Variants in TOX observed in about 807,000 individuals in gnomAD.
TOX encodes thymocyte selection associated high mobility group box, also known as thymocyte selection-associated high mobility group box protein TOX.
TOX carries 11 observed loss-of-function variants against 53.7 expected under a neutral mutation model. The observed-to-expected ratio is 0.20, with a 90% CI of 0.13 to 0.34. TOX has a LOEUF of 0.34. Ranked by LOEUF, TOX falls within the 10% of genes least tolerant of loss-of-function variation. TOX has a pLI of 1.00. For missense variants in TOX, 570 were observed against 664.6 expected (o/e 0.86, Z 1.56); for synonymous variants, 225 against 245.3 (o/e 0.92, Z 0.77).
intron 1 of TOX, 57 bp from the exon 2 acceptor site, chr8:58,960,065 T>C: frequency 6.3e-7 from 1 of 1,585,730 alleles, no homozygotes; most frequent in Admixed American, 1.7e-5. Flanking sequence ...ATGTTTGGTT[T>C]TTATTTGTTT....
chr8:58,902,445 C>T (rs139380252), intron 3 of TOX, among the ~76,000 whole-genome samples: 115 of 152,264 alleles, frequency 7.6e-4, no homozygotes, highest in African/African-American at 2.6e-3. Flanking sequence ...AAAGACCTAT[C>T]AAAATCTCTG....
intron 1 of TOX, among the ~76,000 whole-genome samples, chr8:59,015,692 A>G (rs934466489): frequency 6.6e-6 from 1 of 152,252 alleles, no homozygotes; most frequent in African/African-American, 2.4e-5. Flanking sequence ...TGAAATAAAT[A>G]GCTGACTAAC....
chr8:59,056,907 T>G (rs967102941), intron 1 of TOX, among the ~76,000 whole-genome samples: 1 of 152,206 alleles, frequency 6.6e-6, no homozygotes, highest in African/African-American at 2.4e-5. Flanking sequence ...CTAGAAAAAC[T>G]GCACACTTAC....
rs189876711 is a variant in TOX at position 58,983,553 on chromosome 8, A to T, written c.103-23545T>A. On this transcript the variant is annotated intron_variant, in intron 1 of 8. Transcript: ENST00000361421. ...TCATGATATTGCCAAACTTATACACATCTACGATGGTTGTTAAAACCAATT... is the reference window on the plus strand; with the variant it reads ...TCATGATATTGCCAAACTTATACACTTCTACGATGGTTGTTAAAACCAATT... 1.0e-3 allele frequency among the ~76,000 whole-genome samples: 158 copies of T among 152,364 alleles called. 1 individual carries two copies. Among genetic ancestry groups the T allele is most frequent in the Admixed American group, 1.0e-3 (16 of 15,302 alleles).
Position 58,920,601 on chromosome 8 carries a change from A to G in TOX, c.411+18701T>C, listed in dbSNP as rs565956130. On this transcript the variant is annotated intron_variant, in intron 3 of 8. Transcript: ENST00000361421. ...AGGGATAGCATTGGGAGATATACCT[A>G]ATGCTAGATGACACGTTAGTGGGTG... Among the ~76,000 whole-genome samples the G allele has an allele frequency of 4.6e-3, 488 of 105,502 alleles. 5 individuals carry two copies. The highest frequency in any genetic ancestry group is 0.017 in the African/African-American group (464 of 26,832). The allele number at this position is 105,502 out of a possible 152,430, so 69.2% of individuals were successfully genotyped here.
chr8:58,906,799 G>A (rs894803864), intron 3 of TOX, among the ~76,000 whole-genome samples: 1 of 152,078 alleles, frequency 6.6e-6, no homozygotes, highest in Admixed American at 6.6e-5. Context: ...AGGCTTGTTT[G>A]CTTTCTTTCC....
At chr8:59,062,875 G>A (rs745853244) in intron 1 of TOX, among the ~76,000 whole-genome samples, 3 of 152,120 alleles carry the variant, frequency 2.0e-5, no homozygotes, top group Non-Finnish European at 2.9e-5. Flanking sequence ...CTATCATCAA[G>A]CTTTAAGCTA....
chr8:58,898,484 C>T (rs1811686090), intron 3 of TOX, among the ~76,000 whole-genome samples: 1 of 152,160 alleles, frequency 6.6e-6, no homozygotes, highest in Admixed American at 6.6e-5. Flanking sequence ...AGGGAAGCAA[C>T]TCATACTGTT....
chr8:59,072,942 T>G (rs1804223917), intron 1 of TOX, among the ~76,000 whole-genome samples: 1 of 152,192 alleles, frequency 6.6e-6, no homozygotes, highest in Non-Finnish European at 1.5e-5. Flanking sequence ...TTTTAACACT[T>G]GCTAAATGTA....
chr8:58,981,916 C>T (rs1036733321), intron 1 of TOX, among the ~76,000 whole-genome samples: 1 of 152,186 alleles, frequency 6.6e-6, no homozygotes, highest in African/African-American at 2.4e-5. Flanking sequence ...TCATCACCCC[C>T]TTAAGCCTAC....
intron 5 of TOX, among the ~76,000 whole-genome samples, chr8:58,836,717 C>T (rs890171306): frequency 6.6e-6 from 1 of 152,096 alleles, no homozygotes; most frequent in Non-Finnish European, 1.5e-5. Context: ...GTCATTATCC[C>T]CATCATTAAT....
At chr8:59,066,136 T>A (rs1044256637) in intron 1 of TOX, among the ~76,000 whole-genome samples, 1 of 152,230 alleles carries the variant, frequency 6.6e-6, no homozygotes, top group Non-Finnish European at 1.5e-5. Flanking sequence ...TCTTGGATAT[T>A]GCTGAATGCT....
chr8:58,911,478 G>A (rs6992490), intron 3 of TOX, among the ~76,000 whole-genome samples: 144,357 of 152,300 alleles, frequency 0.95, 68,491 homozygotes, highest in East Asian at 1. Flanking sequence ...TGTATTTCTC[G>A]CTAATACTAT....
In TOX at chr8:59,000,802, C is replaced by A. The variant is rs139256977; in HGVS notation, c.103-40794G>T. ...ACGCATACACATTAAAGAGATCAAA[C>A]CCACTGCAAATGAATCTTCTGTCAC... On this transcript the variant is annotated intron_variant, in intron 1 of 8. Coordinates refer to ENST00000361421, the MANE Select transcript of TOX (RefSeq NM_014729.3). Among the ~76,000 whole-genome samples, 90 of 152,166 alleles carry A rather than the reference C, an allele frequency of 5.9e-4. 1 individual carries two copies. Among genetic ancestry groups the A allele is most frequent in the African/African-American group, 2.1e-3 (89 of 41,516 alleles).
intron 4 of TOX, among the ~76,000 whole-genome samples, chr8:58,849,228 T>C (rs1445497087): frequency 1.3e-5 from 2 of 152,136 alleles, no homozygotes; most frequent in African/African-American, 4.8e-5. Flanking sequence ...TTACTTTTCT[T>C]GAGATGGAAA....
chr8:59,049,406 A>G (rs1298333947), intron 1 of TOX, among the ~76,000 whole-genome samples: 2 of 152,212 alleles, frequency 1.3e-5, no homozygotes, highest in East Asian at 3.8e-4. Context: ...ACATTTTTTA[A>G]TCAACATACT....
chr8:58,933,063 A>C (rs1202432460), intron 3 of TOX, among the ~76,000 whole-genome samples: 2 of 152,188 alleles, frequency 1.3e-5, no homozygotes, highest in Non-Finnish European at 2.9e-5. Context: ...TCCTCATTGT[A>C]AATTTTCTAT....
chr8:59,033,750 A>G (rs566855910), intron 1 of TOX, among the ~76,000 whole-genome samples: 1 of 152,278 alleles, frequency 6.6e-6, no homozygotes, highest in East Asian at 1.9e-4. Context: ...GAAGGGAACT[A>G]TTTCCGACAG....
intron 1 of TOX, among the ~76,000 whole-genome samples, chr8:59,054,048 T>A (rs1474935450): frequency 6.6e-6 from 1 of 152,186 alleles, no homozygotes; most frequent in Non-Finnish European, 1.5e-5. Context: ...GTTTAACCAC[T>A]TAAACTAACT....
Sources: allele counts gnomAD v4.1 joint callset (sites outside exome capture counted in the v4.1 genomes callset), GRCh38; gene constraint gnomAD v4.1.1; transcripts MANE v1.5; gene names NCBI Gene and HGNC (gene_info 2026-07-23, HGNC 2026-07-21).